Variants in ENTPD4 observed in about 807,000 individuals in gnomAD.
ENTPD4 encodes the protein ectonucleoside triphosphate diphosphohydrolase 4, also known as Golgi UDPase.
ENTPD4 carries 60 observed loss-of-function variants against 79.1 expected under a neutral mutation model. The ratio of observed to expected loss-of-function variants is 0.76; its 90% CI spans 0.62 to 0.94. ENTPD4 has a LOEUF of 0.94. Ranked by LOEUF, ENTPD4 falls within the 40% of genes least tolerant of loss-of-function variation. ENTPD4 has a pLI of 0.00. For synonymous variants in ENTPD4, 276 were observed against 292.0 expected, an observed-to-expected ratio of 0.95 and a Z score of 0.56; for missense variants, 772 against 775.1, an observed-to-expected ratio of 1.00 and a Z score of 0.05.
chr8:23,434,892 G>A (rs752945191), intron 11 of ENTPD4, among the ~76,000 whole-genome samples: 1 of 152,144 alleles, frequency 6.6e-6, no homozygotes, highest in Non-Finnish European at 1.5e-5. Flanking sequence ...ATTTATTAGA[G>A]GTTTATTTTT....
intron 11 of ENTPD4, chr8:23,434,828 A>G (rs573101059): frequency 1.9e-5 from 9 of 485,728 alleles, no homozygotes; most frequent in Non-Finnish European, 2.6e-5. Flanking sequence ...AGTTTATTAT[A>G]AAATGAGATG....
Position 23,431,296 on chromosome 8 carries a change from A to C in ENTPD4, c.*1630T>G, listed in dbSNP as rs553290848. Reference sequence around the variant, plus strand: ...AATATCCTCAGTTATCTGTTATAGCAACAACCCCACTTCTGGGTACTAATC... The same window carrying C: ...AATATCCTCAGTTATCTGTTATAGCCACAACCCCACTTCTGGGTACTAATC... On this transcript the variant is annotated 3_prime_UTR_variant, in exon 13 of 13. Coordinates refer to ENST00000358689, the MANE Select transcript of ENTPD4 (RefSeq NM_004901.5). 1.0e-6 allele frequency: 1 copy of C among 967,458 alleles called. No homozygotes were observed. Among genetic ancestry groups the C allele is most frequent in the Admixed American group, 6.2e-5 (1 of 16,260 alleles). 59.9% of individuals were successfully genotyped at this position (967,458 alleles called of 1,614,324 possible). A position where few individuals can be genotyped will look rare whatever the true frequency, so the allele number is the denominator to read the frequency against.
Position 23,436,953 on chromosome 8 carries a change from T to A in ENTPD4, c.1355A>T (p.Lys452Ile). Residue 452 changes from lysine to isoleucine, a missense_variant, in exon 10 of 13, where the codon AAA becomes ATA. By Grantham distance (102) the Lys-to-Ile change is moderately radical. Coordinates refer to ENST00000358689, the MANE Select transcript of ENTPD4 (RefSeq NM_004901.5). The stretch of plus-strand genomic sequence containing the variant: ...GGGTACCTTTGCAGCTTTAGTAAAT[T>A]TAGCAGCATTGTAGTCTCCCCCCAT... Reference protein sequence around the residue: ...LRMGGDYNAAKFTKAAKDYCA... With the variant: ...LRMGGDYNAAIFTKAAKDYCA... 6.3e-7 allele frequency: 1 copy of A among 1,595,800 alleles called. No individual in the cohort carries two copies. Among genetic ancestry groups the A allele is most frequent in the Non-Finnish European group, 8.5e-7 (1 of 1,170,490 alleles).
intron 2 of ENTPD4, 108 bp from the exon 3 acceptor site, chr8:23,449,047 T>G (rs1349388481): frequency 1.1e-5 from 9 of 815,560 alleles, no homozygotes; most frequent in Non-Finnish European, 3.9e-6. Flanking sequence ...TGGATTTCCC[T>G]AACTGTAGGT....
At chr8:23,439,479 G>C (rs987980507) in intron 9 of ENTPD4, among the ~76,000 whole-genome samples, 2 of 152,166 alleles carry the variant, frequency 1.3e-5, no homozygotes, top group Admixed American at 1.3e-4. Flanking sequence ...CTATTCTATA[G>C]CTTGATGGTG....
In ENTPD4 at chr8:23,430,810, G is replaced by C; in HGVS notation, c.*2116C>G. The C allele has an allele frequency of 1.0e-6, 1 of 985,632 alleles. No individual in the cohort carries two copies. The highest frequency in any genetic ancestry group is 1.2e-6 in the Non-Finnish European group (1 of 830,098). 61.1% of individuals were successfully genotyped at this position (985,632 alleles called of 1,614,324 possible). A position where few individuals can be genotyped will look rare whatever the true frequency, so the allele number is the denominator to read the frequency against. Reference sequence around the variant, plus strand: ...TCTTCCCTCTCTGCTGCTGACACCAGTGGCTCCATCGCCAGCTCCCTGCAG... The same window carrying C: ...TCTTCCCTCTCTGCTGCTGACACCACTGGCTCCATCGCCAGCTCCCTGCAG... On this transcript the variant is annotated 3_prime_UTR_variant, in exon 13 of 13. Coordinates refer to ENST00000358689, the MANE Select transcript of ENTPD4 (RefSeq NM_004901.5).
rs781032286 is a variant in ENTPD4 at position 23,448,717 on chromosome 8, G to A, written c.206+25C>T. ...GACAGAAGGTAAGGCTTCTGGTCTA[G>A]AAAGCAAATGTTTTTATCTCTTACC... is the stretch of plus-strand genomic sequence containing the variant. On this transcript the variant is annotated intron_variant, in intron 3 of 12. Coordinates refer to ENST00000358689, the MANE Select transcript of ENTPD4 (RefSeq NM_004901.5). The A allele has an allele frequency of 1.2e-5, 19 of 1,598,416 alleles. No homozygotes were observed. In the Admixed American group the frequency reaches 2.0e-4, roughly 17 times the overall value.
chr8:23,434,794 C>T, intron 11 of ENTPD4: 2 of 929,590 alleles, frequency 2.2e-6, no homozygotes, highest in Non-Finnish European at 2.7e-6. Context: ...GAATACTGAA[C>T]AGGTTCCAAC....
Position 23,444,035 on chromosome 8 carries a change from C to G in ENTPD4, c.564-82G>C. On this transcript the variant is annotated intron_variant, in intron 5 of 12. Coordinates refer to ENST00000358689, the MANE Select transcript of ENTPD4 (RefSeq NM_004901.5). ...TTAGAAAAGGAAAAAAATAAACAAACAAAAAACAAAACCAGGGATCTGGTA... is the reference window on the plus strand; with the variant it reads ...TTAGAAAAGGAAAAAAATAAACAAAGAAAAAACAAAACCAGGGATCTGGTA... The G allele has an allele frequency of 4.4e-6, 4 of 913,896 alleles. No homozygotes were observed. In the South Asian group the frequency reaches 6.6e-5, roughly 15 times the overall value. 56.6% of individuals were successfully genotyped at this position (913,896 alleles called of 1,614,324 possible).
Position 23,442,011 on chromosome 8 carries a change from T to G in ENTPD4, c.723A>C (p.Glu241Asp). The change falls in exon 7 of 13, where the codon GAA (glutamate) becomes GAC (aspartate). Residue 241 changes from glutamate (E) to aspartate (D), a missense_variant. Transcript: ENST00000358689. ...TGTTGGAACCATGACACTTACCATC[T>G]TCAATATGCTCAAATCGTCCAAGGA... The part of the protein sequence containing the change: ...NFVLGRFEHI[E>D]DDDEAVVEVN... 1.2e-6 allele frequency: 2 copies of G among 1,612,802 alleles called. No individual in the cohort carries two copies. Among genetic ancestry groups the G allele is most frequent in the Non-Finnish European group, 8.5e-7 (1 of 1,178,784 alleles).
At chr8:23,440,968 C>T (rs1476044835) in intron 8 of ENTPD4, among the ~76,000 whole-genome samples, 2 of 152,214 alleles carry the variant, frequency 1.3e-5, no homozygotes, top group Non-Finnish European at 2.9e-5. Context: ...ATCCAGAAAG[C>T]TAGGCTTTGG....
At chr8:23,451,299 C>T (rs1194898961) in intron 1 of ENTPD4, among the ~76,000 whole-genome samples, 1 of 152,152 alleles carries the variant, frequency 6.6e-6, no homozygotes, top group Non-Finnish European at 1.5e-5. Context: ...GGATTACAGG[C>T]GTGAGCCACT....
Position 23,429,365 on chromosome 8 carries a change from G to C in ENTPD4, c.*3561C>G, listed in dbSNP as rs1219227706. 1 of 984,922 alleles carries C rather than the reference G, an allele frequency of 1.0e-6. No individual in the cohort carries two copies. Among genetic ancestry groups the C allele is most frequent in the Non-Finnish European group, 1.2e-6 (1 of 829,644 alleles). 61.0% of individuals were successfully genotyped at this position (984,922 alleles called of 1,614,324 possible). A position where few individuals can be genotyped will look rare whatever the true frequency, so the allele number is the denominator to read the frequency against. On this transcript the variant is annotated 3_prime_UTR_variant, in exon 13 of 13. Coordinates refer to ENST00000358689, the MANE Select transcript of ENTPD4 (RefSeq NM_004901.5). ...TTCCTAACTGTAAAATATAATTTTA[G>C]TACAGAACAAACAAATTCTCCTTGG...
chr8:23,440,727 T>C (rs999507988), intron 8 of ENTPD4, among the ~76,000 whole-genome samples: 6 of 152,236 alleles, frequency 3.9e-5, no homozygotes, highest in Admixed American at 6.5e-5. Context: ...GCATTAGATA[T>C]ACTGGATGCA....
chr8:23,437,195 T>C lies in ENTPD4; in HGVS notation c.1113A>G (p.Leu371=), dbSNP rs1389334515. ...DMPYLDPCLP[L]DIKDEIQQNG... is the part of the protein sequence containing the mutation. ...TTTGCTGGATTTCATCTTTAATGTC[T>C]AGGGGTAGGCAGGGGTCCAAGTACG... is the stretch of plus-strand genomic sequence containing the variant. Residue 371 remains leucine, a synonymous_variant, in exon 10 of 13, where the codon CTA becomes CTG. Coordinates refer to ENST00000358689, the MANE Select transcript of ENTPD4 (RefSeq NM_004901.5). The C allele has an allele frequency of 6.2e-7, 1 of 1,614,062 alleles. No individual in the cohort carries two copies. The highest frequency in any genetic ancestry group is 1.1e-5 in the South Asian group (1 of 91,088).
chr8:23,435,475 A>G lies in ENTPD4; in HGVS notation c.1377T>C (p.Asp459=), dbSNP rs1800541363. The G allele has an allele frequency of 6.2e-7, 1 of 1,612,948 alleles. No individual in the cohort carries two copies. Among genetic ancestry groups the G allele is most frequent in the South Asian group, 1.1e-5 (1 of 91,038 alleles). ...AAATGGACCACTTTGTTGCACAATA[A>G]TCCTGAAAACAAATTCACCAAAATA... The part of the protein sequence containing the change: ...NAAKFTKAAK[D]YCATKWSILR... Residue 459 remains aspartate, a splice_region_variant and synonymous_variant, in exon 11 of 13, where the codon GAT becomes GAC. Coordinates refer to ENST00000358689, the MANE Select transcript of ENTPD4 (RefSeq NM_004901.5).
chr8:23,435,316 G>T (rs1040353648), intron 11 of ENTPD4, 76 bp downstream of exon 11: 2 of 979,970 alleles, frequency 2.0e-6, no homozygotes, highest in Non-Finnish European at 3.2e-6. Flanking sequence ...CTGAGGCCAG[G>T]GTGTGGCAAG....
intron 1 of ENTPD4, among the ~76,000 whole-genome samples, chr8:23,457,190 G>A (rs968595447): frequency 6.6e-6 from 1 of 152,234 alleles, no homozygotes; most frequent in Non-Finnish European, 1.5e-5. Flanking sequence ...CATTTAAAGC[G>A]GCAGGCAGGG....
At chr8:23,441,270 C>G in intron 8 of ENTPD4, 2 of 222,346 alleles carry the variant, frequency 9.0e-6, no homozygotes, top group Non-Finnish European at 7.6e-6. Context: ...TTCATAAAAC[C>G]TGTTGAGAAA....
Sources: gnomAD v4.1 joint callset for allele counts (sites outside exome capture counted in the v4.1 genomes callset) on GRCh38, gnomAD v4.1.1 for gene constraint, MANE v1.5 for transcripts, NCBI Gene and HGNC (gene_info 2026-07-23, HGNC 2026-07-21) for gene names.